FBXO34: variants seen among roughly 807,000 people sequenced by gnomAD.
The protein encoded by FBXO34 is F-box protein 34.
A neutral mutation model predicts 24.5 loss-of-function variants in FBXO34; 12 were observed. The ratio of observed to expected loss-of-function variants is 0.49; its 90% CI spans 0.31 to 0.79. The LOEUF is 0.79. FBXO34 is among the 30% of genes least tolerant of loss of function. FBXO34 has a pLI of 0.04. For missense variants in FBXO34, 823 were observed against 857.7 expected (o/e 0.96, Z 0.51); for synonymous variants, 320 against 311.9 (o/e 1.03, Z -0.27).
At chr14:55,430,441 C>G in the FBXO34 span, among the ~76,000 whole-genome samples, 1 of 144,492 alleles carries the variant, frequency 6.9e-6, no homozygotes, top group Non-Finnish European at 1.5e-5. Flanking sequence ...GGTTTTTGCT[C>G]TGTTACCCAG....
the FBXO34 span, among the ~76,000 whole-genome samples, chr14:55,440,891 C>T: frequency 2.6e-5 from 4 of 152,152 alleles, no homozygotes; most frequent in Non-Finnish European, 4.4e-5. Flanking sequence ...AGATGGAATC[C>T]CACTCTTTCG....
chr14:55,285,365 T>A (rs1158809033), intron 1 of FBXO34: 1 of 151,302 alleles, frequency 6.6e-6, no homozygotes, highest in African/African-American at 2.4e-5. Context: ...AGCGAAACTC[T>A]GTCTCAGAAA....
intron 1 of FBXO34, among the ~76,000 whole-genome samples, chr14:55,307,374 G>T (rs1472190763): frequency 2.0e-5 from 3 of 152,200 alleles, no homozygotes; most frequent in African/African-American, 7.2e-5. Context: ...TTTCGTGGAG[G>T]CAAGCAAAAC....
downstream of FBXO34, among the ~76,000 whole-genome samples, chr14:55,355,891 A>G (rs1884515562): frequency 6.6e-6 from 1 of 152,216 alleles, no homozygotes; most frequent in Admixed American, 6.5e-5. Context: ...GAGAAACCTG[A>G]CAGGGAGGTA....
chr14:55,414,329 G>C, the FBXO34 span: 6 of 1,361,066 alleles, frequency 4.4e-6, no homozygotes, highest in East Asian at 1.4e-4. Context: ...TCTGTGCTGG[G>C]CTTATGGACA....
the FBXO34 span, chr14:55,440,421 A>C: frequency 6.2e-7 from 1 of 1,612,856 alleles, no homozygotes; most frequent in Non-Finnish European, 8.5e-7. Flanking sequence ...GTCCAGGTAG[A>C]GCTCCAGGTA....
chr14:55,414,650 CAG>C, the FBXO34 span, among the ~76,000 whole-genome samples: 2 of 152,258 alleles, frequency 1.3e-5, no homozygotes, highest in East Asian at 1.9e-4. Flanking sequence ...AACCTTAGAG[CAG>C]AGTTTTCTAG....
chr14:55,282,579 A>T (rs1161247051), intron 1 of FBXO34: 1 of 186,040 alleles, frequency 5.4e-6, no homozygotes, highest in African/African-American at 2.3e-5. Flanking sequence ...GGCTTGGGAC[A>T]CCCTATTTCT....
chr14:55,426,276 A>AT, the FBXO34 span, among the ~76,000 whole-genome samples: 1,050 of 151,974 alleles, frequency 6.9e-3, 19 homozygotes, highest in African/African-American at 0.024. Context: ...TCAAAAAAAA[A>AT]AAATAAATAA....
downstream of FBXO34, chr14:55,369,408 G>C: frequency 2.3e-6 from 1 of 433,938 alleles, no homozygotes; most frequent in Non-Finnish European, 4.0e-6. Context: ...TTCGACCCCT[G>C]TTCTCTTAAT....
chr14:55,279,007 T>A (rs901614530), intron 1 of FBXO34, among the ~76,000 whole-genome samples: 4 of 152,070 alleles, frequency 2.6e-5, no homozygotes, highest in Non-Finnish European at 5.9e-5. Context: ...TTAAAGAGAT[T>A]TAGTGAAGGC....
the FBXO34 span, among the ~76,000 whole-genome samples, chr14:55,404,528 G>C: frequency 6.6e-6 from 1 of 152,128 alleles, no homozygotes; most frequent in East Asian, 1.9e-4. Context: ...TATTTTCCAT[G>C]AAGTATGTCT....
the FBXO34 span, chr14:55,395,879 TA>T: frequency 8.2e-7 from 1 of 1,214,888 alleles, no homozygotes; most frequent in Non-Finnish European, 1.1e-6. Context: ...AATAATTTTA[TA>T]AGCTCTACCA....
intron 1 of FBXO34, among the ~76,000 whole-genome samples, chr14:55,308,442 A>G (rs1437496631): frequency 2.6e-5 from 4 of 152,228 alleles, no homozygotes; most frequent in African/African-American, 9.6e-5. Context: ...TCGCTGTAGT[A>G]CTTAACATGG....
chr14:55,390,858 A>C, the FBXO34 span: 1 of 1,286,084 alleles, frequency 7.8e-7, no homozygotes, highest in Non-Finnish European at 1.1e-6. Context: ...TAATCCCATG[A>C]AATTCCACAT....
At chr14:55,420,542 C>T in the FBXO34 span, among the ~76,000 whole-genome samples, 1 of 152,156 alleles carries the variant, frequency 6.6e-6, no homozygotes, top group African/African-American at 2.4e-5. Flanking sequence ...AGTAGTAAGT[C>T]ATGGATTAAC....
chr14:55,282,352 T>G (rs1216595253), intron 1 of FBXO34: 2 of 459,760 alleles, frequency 4.4e-6, no homozygotes, highest in Non-Finnish European at 8.8e-6. Context: ...ATTTTCTGCT[T>G]CTTGATAAGG....
chr14:55,409,146 T>C, the FBXO34 span, among the ~76,000 whole-genome samples: 3 of 152,224 alleles, frequency 2.0e-5, no homozygotes, highest in Non-Finnish European at 2.9e-5. Flanking sequence ...AAGATATATT[T>C]TCACATCAAA....
the FBXO34 span, among the ~76,000 whole-genome samples, chr14:55,413,216 G>A: frequency 6.6e-6 from 1 of 152,036 alleles, no homozygotes; most frequent in African/African-American, 2.4e-5. Context: ...TTAAGGTCTC[G>A]GGCTTATGTT....
Sources: gnomAD v4.1 joint callset for allele counts (sites outside exome capture counted in the v4.1 genomes callset) on GRCh38, gnomAD v4.1.1 for gene constraint, MANE v1.5 for transcripts, NCBI Gene and HGNC (gene_info 2026-07-23, HGNC 2026-07-21) for gene names.